The following PPP2R2B variants were observed in gnomAD, a reference collection of about 807,000 sequenced individuals.
PPP2R2B encodes protein phosphatase 2 regulatory subunit Bbeta.
Under a neutral mutation model 46.0 loss-of-function variants are expected in PPP2R2B, and 5 were observed. The ratio of observed to expected loss-of-function variants is 0.11; its 90% CI spans 0.06 to 0.23. The LOEUF (loss-of-function observed/expected upper bound fraction) is 0.23. Ranked by LOEUF, PPP2R2B falls within the 10% of genes least tolerant of loss-of-function variation. The probability of loss-of-function intolerance (pLI) is 1.00; values close to 1 mark genes in which losing one functional copy is unlikely to be tolerated. For synonymous variants in PPP2R2B, 215 were observed against 206.7 expected, an observed-to-expected ratio of 1.04 and a Z score of -0.34; for missense variants, 367 against 575.0, an observed-to-expected ratio of 0.64 and a Z score of 3.70.
intron 2 of PPP2R2B, among the ~76,000 whole-genome samples, chr5:146,721,020 T>G (rs1177606920): frequency 6.6e-6 from 1 of 152,146 alleles, no homozygotes; most frequent in Non-Finnish European, 1.5e-5. Flanking sequence ...AACAGATAAT[T>G]TATTTTTTAT....
intron 1 of PPP2R2B, among the ~76,000 whole-genome samples, chr5:146,937,876 A>G (rs561555934): frequency 8.5e-5 from 13 of 152,244 alleles, no homozygotes; most frequent in African/African-American, 2.6e-4. Flanking sequence ...AAGAAAATTC[A>G]TTACATGGTT....
rs572662440 is a variant in PPP2R2B at position 146,587,121 on chromosome 5, C to T, written c.*2826G>A. The T allele has an allele frequency of 5.9e-5, 9 of 152,334 alleles. No individual in the cohort carries two copies. In the South Asian group the frequency reaches 1.9e-3, roughly 32 times the overall value. 9.4% of individuals were successfully genotyped at this position (152,334 alleles called of 1,614,324 possible). A position where few individuals can be genotyped will look rare whatever the true frequency, so the allele number is the denominator to read the frequency against. On this transcript the variant is annotated 3_prime_UTR_variant, in exon 10 of 10. Transcript: ENST00000394411. ...AACTGTTGCAAGGTAGCAAATCAGC[C>T]TTCAAGTAGTTTTTAGTGTCAGCAG... is the stretch of plus-strand genomic sequence containing the variant.
At chr5:146,743,466 G>A (rs553906433) in intron 2 of PPP2R2B, among the ~76,000 whole-genome samples, 1 of 152,288 alleles carries the variant, frequency 6.6e-6, no homozygotes, top group East Asian at 1.9e-4. Flanking sequence ...AGGAAAAGGT[G>A]AGGTGGCTGC....
intron 2 of PPP2R2B, among the ~76,000 whole-genome samples, chr5:146,781,131 G>GATATATAT (rs56697862): frequency 0.031 from 1,518 of 49,110 alleles, 99 homozygotes; most frequent in Non-Finnish European, 0.038. Context: ...ATGCCACCAT[G>GATATATAT]ATATATATAT....
At chr5:146,928,683 C>T (rs1166222972) in intron 1 of PPP2R2B, among the ~76,000 whole-genome samples, 1 of 152,118 alleles carries the variant, frequency 6.6e-6, no homozygotes, top group Non-Finnish European at 1.5e-5. Flanking sequence ...ACATGGCACC[C>T]AGAGTGATCC....
intron 5 of PPP2R2B, among the ~76,000 whole-genome samples, chr5:146,672,030 AAGG>A (rs2151122608): frequency 6.6e-6 from 1 of 152,312 alleles, no homozygotes; most frequent in East Asian, 1.9e-4. Context: ...TTAAACACAA[AAGG>A]AGAATATAAG....
rs183673100 is a variant in PPP2R2B at position 146,716,378 on chromosome 5, T to A, written c.71-15236A>T. ...GAAATGTATTTCATTAAAGGCAGAA[T>A]TCCTATTTTACTCAATTTTGACTCT... On this transcript the variant is annotated intron_variant, in intron 2 of 9. Coordinates refer to ENST00000394411, the MANE Select transcript of PPP2R2B (RefSeq NM_181675.4). 9.8e-5 allele frequency among the ~76,000 whole-genome samples: 15 copies of A among 152,322 alleles called. No homozygotes were observed. In the East Asian group the frequency reaches 2.7e-3, roughly 27 times the overall value.
chr5:147,029,510 C>A lies in PPP2R2B; in HGVS notation c.79+26155G>T, dbSNP rs553165808. Among the ~76,000 whole-genome samples, 4 of 152,236 alleles carry A rather than the reference C, an allele frequency of 2.6e-5. No individual in the cohort carries two copies. The South Asian group carries it at 8.3e-4, about 32-fold the overall frequency. On this transcript the variant is annotated intron_variant, in intron 1 of 8. Coordinates refer to the PPP2R2B transcript ENST00000336640. ...TTGTTTGTTTGTCCTGTATCCAATA[C>A]CCAATATCTTAATTATTGATGCTTT...
chr5:146,695,618 T>C (rs915058808), intron 4 of PPP2R2B, among the ~76,000 whole-genome samples: 5 of 152,200 alleles, frequency 3.3e-5, no homozygotes, highest in Admixed American at 6.5e-5. Flanking sequence ...GACTTTATTA[T>C]CACACTTTTT....
chr5:146,598,263 A>G (rs1771401404), intron 8 of PPP2R2B, among the ~76,000 whole-genome samples: 4 of 152,220 alleles, frequency 2.6e-5, no homozygotes, highest in Admixed American at 2.6e-4. Flanking sequence ...AGCATTTGGC[A>G]GTTGATGACT....
intron 1 of PPP2R2B, among the ~76,000 whole-genome samples, chr5:146,883,878 G>A (rs1762243508): frequency 1.3e-5 from 2 of 152,136 alleles, no homozygotes; most frequent in South Asian, 2.1e-4. Flanking sequence ...CCATGTAAAT[G>A]TCTCTGCAAC....
chr5:146,707,195 A>T lies in PPP2R2B; in HGVS notation c.71-6053T>A, dbSNP rs1228923000. ...CTAAGGCTGTTGATGTAGCTCTCGAATATGTTGTCCATGTTGCTCCCAGCC... is the reference window on the plus strand; with the variant it reads ...CTAAGGCTGTTGATGTAGCTCTCGATTATGTTGTCCATGTTGCTCCCAGCC... On this transcript the variant is annotated intron_variant, in intron 2 of 9. Coordinates refer to ENST00000394411, the MANE Select transcript of PPP2R2B (RefSeq NM_181675.4). 3.8e-6 allele frequency: 6 copies of T among 1,572,464 alleles called. No individual in the cohort carries two copies. In the African/African-American group the frequency reaches 8.1e-5, roughly 21 times the overall value.
intron 1 of PPP2R2B, among the ~76,000 whole-genome samples, chr5:146,930,321 C>G (rs1442341132): frequency 6.6e-6 from 1 of 152,138 alleles, no homozygotes; most frequent in Non-Finnish European, 1.5e-5. Flanking sequence ...TTGGCTTGCT[C>G]AGGATTAGAT....
intron 5 of PPP2R2B, among the ~76,000 whole-genome samples, chr5:146,666,904 A>G (rs986307118): frequency 1.3e-5 from 2 of 152,200 alleles, no homozygotes; most frequent in African/African-American, 4.8e-5. Context: ...TAATATACCA[A>G]GTTGAATCTA....
chr5:146,614,903 G>A lies in PPP2R2B; in HGVS notation c.791-14443C>T, dbSNP rs1449243771. On this transcript the variant is annotated intron_variant, in intron 7 of 9. Transcript: ENST00000394411. ...ATAGGAACACTTTTACACTGTTGGTGGGACTGTAAACTAGTTCAACCATTG... is the reference window on the plus strand; with the variant it reads ...ATAGGAACACTTTTACACTGTTGGTAGGACTGTAAACTAGTTCAACCATTG... Among the ~76,000 whole-genome samples, 5 of 112,914 alleles carry A rather than the reference G, an allele frequency of 4.4e-5. No individual in the cohort carries two copies. In the East Asian group the frequency reaches 1.4e-3, roughly 31 times the overall value. The allele number at this position is 112,914 out of a possible 152,430, so 74.1% of individuals were successfully genotyped here.
At chr5:146,922,900 C>T (rs952402975) in intron 1 of PPP2R2B, among the ~76,000 whole-genome samples, 8 of 152,080 alleles carry the variant, frequency 5.3e-5, no homozygotes, top group Non-Finnish European at 1.5e-5. Flanking sequence ...GTTCTCTCTC[C>T]CTGTTGGAGA....
At chr5:147,051,994 G>A (rs532921833) in intron 1 of PPP2R2B, among the ~76,000 whole-genome samples, 43 of 151,794 alleles carry the variant, frequency 2.8e-4, no homozygotes, top group Admixed American at 9.2e-4. Flanking sequence ...TTTTGTAGAT[G>A]AATCCTCCCC....
intron 1 of PPP2R2B, among the ~76,000 whole-genome samples, chr5:146,938,642 A>AATGACAT (rs1191562218): frequency 6.6e-6 from 1 of 152,062 alleles, no homozygotes; most frequent in African/African-American, 2.4e-5. Flanking sequence ...TAAAATCTTG[A>AATGACAT]ATGACATATC....
chr5:146,808,992 T>TGA (rs1334800207), intron 2 of PPP2R2B, among the ~76,000 whole-genome samples: 1 of 136,184 alleles, frequency 7.3e-6, no homozygotes, highest in African/African-American at 2.7e-5. Context: ...TGTGTGTGTG[T>TGA]GTGCGCGCGC....
Sources: gnomAD v4.1 joint callset for allele counts (sites outside exome capture counted in the v4.1 genomes callset) on GRCh38, gnomAD v4.1.1 for gene constraint, MANE v1.5 for transcripts, NCBI Gene and HGNC (gene_info 2026-07-23, HGNC 2026-07-21) for gene names.